Variants in GCH1 observed in about 807,000 individuals in gnomAD.
GCH1 encodes the protein GTP cyclohydrolase 1.
A neutral mutation model predicts 25.9 loss-of-function variants in GCH1; 5 were observed. The observed-to-expected ratio is 0.19, with a 90% confidence interval of 0.10 to 0.41. The LOEUF (loss-of-function observed/expected upper bound fraction) is 0.41, where lower values mean the gene tolerates loss of function less well. Among genes scored for constraint, GCH1 ranks in the 10% least tolerant of loss-of-function variants. GCH1 has a pLI of 1.00. For synonymous variants in GCH1, 159 were observed against 129.6 expected, an observed-to-expected ratio of 1.23 and a Z score of -1.54; for missense variants, 261 against 336.5, an observed-to-expected ratio of 0.78 and a Z score of 1.75.
intron 1 of GCH1, among the ~76,000 whole-genome samples, chr14:54,878,651 T>G (rs2040198020): frequency 6.6e-6 from 1 of 152,210 alleles, no homozygotes; most frequent in African/African-American, 2.4e-5. Context: ...AAGCATTATA[T>G]CTGAAGGCTT....
chr14:54,893,243 T>A (rs1361658133), intron 1 of GCH1, among the ~76,000 whole-genome samples: 1 of 152,226 alleles, frequency 6.6e-6, no homozygotes, highest in African/African-American at 2.4e-5. Context: ...CTAGCAAATT[T>A]ATAACCATGG....
intron 1 of GCH1, among the ~76,000 whole-genome samples, chr14:54,870,183 C>T (rs973193155): frequency 1.3e-5 from 2 of 151,970 alleles, no homozygotes; most frequent in Admixed American, 6.6e-5. Flanking sequence ...ATAAGTGACA[C>T]CTTAATAAAG....
chr14:54,845,759 C>A lies in GCH1; in HGVS notation c.626+9G>T, dbSNP rs374007793. 176 of 1,483,854 alleles carry A rather than the reference C, an allele frequency of 1.2e-4. No individual in the cohort carries two copies. The African/African-American group carries it at 2.2e-3, about 19-fold the overall frequency. The allele number at this position is 1,483,854 out of a possible 1,614,324, so 91.9% of individuals were successfully genotyped here. ...ATTATGACGTTACTAAAGGCAGATG[C>A]AGACTTACGTTGCTTCAACCACTAC... On this transcript the variant is annotated intron_variant, in intron 5 of 5. Transcript: ENST00000491895.
At position 54,902,458 on chromosome 14, in the gene GCH1, G is replaced by A. The variant is rs56127440; in HGVS notation, c.206C>T (p.Pro69Leu). ...GGACGAGTAGGCGGCTGCCAGGTTA[G>A]GGAGGTTCAGCTCGTTATCCTCCTC... ...RSEEDNELNL[P>L]NLAAAYSSIL... Residue 69 changes from proline (P) to leucine (L), a missense_variant, in exon 1 of 6, where the codon CCT (proline) becomes CTT (leucine). Coordinates refer to ENST00000491895, the MANE Select transcript of GCH1 (RefSeq NM_000161.3). The A allele has an allele frequency of 5.6e-4, 908 of 1,612,686 alleles. 4 individuals carry two copies. The highest frequency in any genetic ancestry group is 6.8e-4 in the Non-Finnish European group (803 of 1,179,708).
intron 1 of GCH1, among the ~76,000 whole-genome samples, chr14:54,879,721 C>T (rs150505676): frequency 9.9e-5 from 15 of 151,800 alleles, no homozygotes; most frequent in African/African-American, 2.4e-4. Context: ...GACATGAGGC[C>T]GGTCGCAGTG....
rs886050554 is a variant in GCH1 at position 54,902,788 on chromosome 14, T to C, written c.-125A>G. On this transcript the variant is annotated 5_prime_UTR_variant, in exon 1 of 6. Coordinates refer to ENST00000491895, the MANE Select transcript of GCH1 (RefSeq NM_000161.3). The stretch of plus-strand genomic sequence containing the variant: ...AGTCACCTGAGGAAGGTACGCAACC[T>C]GCTTAGATCACACTCCGAGCCGGGA... 5.0e-6 allele frequency: 6 copies of C among 1,210,224 alleles called. No individual in the cohort carries two copies. Among genetic ancestry groups the C allele is most frequent in the Admixed American group, 4.2e-5 (1 of 23,988 alleles). 75.0% of individuals were successfully genotyped at this position (1,210,224 alleles called of 1,614,324 possible). A position where few individuals can be genotyped will look rare whatever the true frequency, so the allele number is the denominator to read the frequency against.
At chr14:54,884,120 G>A (rs1416380594) in intron 1 of GCH1, among the ~76,000 whole-genome samples, 1 of 152,158 alleles carries the variant, frequency 6.6e-6, no homozygotes, top group African/African-American at 2.4e-5. Context: ...ATCAAACCAT[G>A]ACCTCAAGCA....
intron 1 of GCH1, chr14:54,884,793 C>A (rs78530261): frequency 0.2 from 28,512 of 144,194 alleles, 4,054 homozygotes; most frequent in East Asian, 0.39. Flanking sequence ...ACAACAACAA[C>A]AACAACAAAA....
intron 3 of GCH1, among the ~76,000 whole-genome samples, chr14:54,847,987 TAGGAGAATC>T (rs747724512): frequency 1.2e-4 from 18 of 152,256 alleles, no homozygotes; most frequent in Admixed American, 5.2e-4. Context: ...CTAAACCTAT[TAGGAGAATC>T]AGATTGGAAC....
rs563628025 is a variant in GCH1, at chr14:54,883,493, G to A, written c.344-18057C>T. On this transcript the variant is annotated intron_variant, in intron 1 of 5. Transcript: ENST00000491895. Reference sequence around the variant, plus strand: ...AGGAAATCGTGACCATCCTGGCTAAGACGGACAAAGTCCGTCTCTACTAAA... The same window carrying A: ...AGGAAATCGTGACCATCCTGGCTAAAACGGACAAAGTCCGTCTCTACTAAA... Among the ~76,000 whole-genome samples the A allele has an allele frequency of 2.7e-5, 4 of 150,602 alleles. No homozygotes were observed. In the East Asian group the frequency reaches 7.9e-4, roughly 30 times the overall value.
At chr14:54,899,140 T>C (rs1169214309) in intron 1 of GCH1, among the ~76,000 whole-genome samples, 1 of 152,180 alleles carries the variant, frequency 6.6e-6, no homozygotes, top group East Asian at 1.9e-4. Context: ...ATGTAATGCA[T>C]GATTATATTC....
At chr14:54,900,592 A>G (rs2040551219) in intron 1 of GCH1, among the ~76,000 whole-genome samples, 2 of 152,108 alleles carry the variant, frequency 1.3e-5, no homozygotes, top group African/African-American at 4.8e-5. Context: ...CTCATGAGAT[A>G]TTTCAGCTAA....
chr14:54,866,733 A>C (rs1293156839), intron 1 of GCH1, among the ~76,000 whole-genome samples: 4 of 152,132 alleles, frequency 2.6e-5, no homozygotes, highest in Non-Finnish European at 5.9e-5. Context: ...GCTCACAGAG[A>C]CCAAGTCATC....
intron 5 of GCH1, among the ~76,000 whole-genome samples, chr14:54,845,431 T>A (rs986787704): frequency 2.0e-5 from 3 of 151,762 alleles, no homozygotes; most frequent in Non-Finnish European, 4.4e-5. Flanking sequence ...TGAGCCGAGA[T>A]TGCACCACTG....
intron 1 of GCH1, among the ~76,000 whole-genome samples, chr14:54,891,326 G>A (rs945731551): frequency 6.6e-6 from 1 of 151,018 alleles, no homozygotes; most frequent in Non-Finnish European, 1.5e-5. Flanking sequence ...GCCTGGTCTC[G>A]AACTCCTGAC....
chr14:54,895,737 G>A (rs559401990), intron 1 of GCH1, among the ~76,000 whole-genome samples: 31 of 152,310 alleles, frequency 2.0e-4, no homozygotes, highest in African/African-American at 7.2e-4. Flanking sequence ...AAGACGAGCT[G>A]GTCTGAGCTG....
intron 1 of GCH1, 88 bp downstream of exon 1, chr14:54,902,233 C>T: frequency 1.4e-6 from 2 of 1,425,574 alleles, no homozygotes; most frequent in Non-Finnish European, 1.9e-6. Flanking sequence ...AGTGAGGCAA[C>T]TCCGGAAACT....
chr14:54,902,670 G>A lies in GCH1; in HGVS notation c.-7C>T, dbSNP rs1434830116. 3 of 1,442,028 alleles carry A rather than the reference G, an allele frequency of 2.1e-6. No homozygotes were observed. Among genetic ancestry groups the A allele is most frequent in the Non-Finnish European group, 1.8e-6 (2 of 1,103,830 alleles). The allele number at this position is 1,442,028 out of a possible 1,614,324, so 89.3% of individuals were successfully genotyped here. The stretch of plus-strand genomic sequence containing the variant: ...GCACAGGGCCCTTCTCCATGGACCC[G>A]CCGCAGCCGCTGCCGTTCGGGAAGG... On this transcript the variant is annotated 5_prime_UTR_variant, in exon 1 of 6. Transcript: ENST00000491895.
chr14:54,877,895 G>A (rs1437855151), intron 1 of GCH1, among the ~76,000 whole-genome samples: 1 of 152,102 alleles, frequency 6.6e-6, no homozygotes, highest in African/African-American at 2.4e-5. Flanking sequence ...TAGGGCTTCT[G>A]TTTCAGGTGA....
Sources: gnomAD v4.1 joint callset for allele counts (sites outside exome capture counted in the v4.1 genomes callset) on GRCh38, gnomAD v4.1.1 for gene constraint, MANE v1.5 for transcripts, NCBI Gene and HGNC (gene_info 2026-07-23, HGNC 2026-07-21) for gene names.